RCN2: variants seen among roughly 807,000 people sequenced by gnomAD.
RCN2 encodes reticulocalbin 2.
A neutral mutation model predicts 37.5 loss-of-function variants in RCN2; 23 were observed. The ratio of observed to expected loss-of-function variants is 0.61; its 90% CI spans 0.44 to 0.87. The LOEUF (loss-of-function observed/expected upper bound fraction) is 0.87. Among genes scored for constraint, RCN2 ranks in the 40% least tolerant of loss-of-function variants. RCN2 has a pLI of 0.00. For missense variants in RCN2, 381 were observed against 390.4 expected (o/e 0.98, Z 0.20); for synonymous variants, 140 against 144.6 (o/e 0.97, Z 0.23).
At chr15:76,947,639 C>A in intron 5 of RCN2, 122 bp downstream of exon 5, 1 of 668,302 alleles carries the variant, frequency 1.5e-6, no homozygotes, top group Non-Finnish European at 2.6e-6. Flanking sequence ...TCTGATCCTA[C>A]TTGTTTCGTT....
Position 76,932,036 on chromosome 15 carries a change from C to T in RCN2, c.144+51C>T, listed in dbSNP as rs959717769. The T allele has an allele frequency of 1.1e-5, 14 of 1,236,020 alleles. No individual in the cohort carries two copies. In the African/African-American group the frequency reaches 2.0e-4, roughly 18 times the overall value. The allele number at this position is 1,236,020 out of a possible 1,614,324, so 76.6% of individuals were successfully genotyped here. A position where few individuals can be genotyped will look rare whatever the true frequency, so the allele number is the denominator to read the frequency against. ...AGGGCCGGGCCTCGCACCGCGGCTG[C>T]CGCGGGCTTTGTCCCGGGACAAAGG... On this transcript the variant is annotated intron_variant, in intron 1 of 6. Coordinates refer to ENST00000394885, the MANE Select transcript of RCN2 (RefSeq NM_002902.3).
At chr15:76,934,341 AC>A in intron 2 of RCN2, among the ~76,000 whole-genome samples, 2 of 152,112 alleles carry the variant, frequency 1.3e-5, no homozygotes, top group East Asian at 3.9e-4. Context: ...ACGGGGTTTT[AC>A]CCGAGACCAG....
At chr15:76,942,426 C>G (rs1205782765) in intron 3 of RCN2, 1 of 152,152 alleles carries the variant, frequency 6.6e-6, no homozygotes. Flanking sequence ...ATTATTGGCT[C>G]CCAAGGCTCT....
intron 3 of RCN2, among the ~76,000 whole-genome samples, chr15:76,938,001 G>A (rs575636269): frequency 1.3e-5 from 2 of 152,220 alleles, no homozygotes; most frequent in South Asian, 4.2e-4. Flanking sequence ...TACTTACAGA[G>A]TACATGTGAT....
rs557869817 is a variant in RCN2 at position 76,932,276 on chromosome 15, G to T, written c.145-85G>T. 1.1e-5 allele frequency: 12 copies of T among 1,071,936 alleles called. No individual in the cohort carries two copies. In the Admixed American group the frequency reaches 1.2e-4, roughly 10 times the overall value. The allele number at this position is 1,071,936 out of a possible 1,614,324, so 66.4% of individuals were successfully genotyped here. On this transcript the variant is annotated intron_variant, in intron 1 of 6. Transcript: ENST00000394885. The stretch of plus-strand genomic sequence containing the variant: ...CACCCCGAAACCCTTTGGCAAGGGG[G>T]TCTTCTAGTAGCCCTGTTTTTCTCC...
intron 4 of RCN2, among the ~76,000 whole-genome samples, chr15:76,945,083 C>T (rs1035986520): frequency 2.0e-5 from 3 of 152,320 alleles, no homozygotes; most frequent in African/African-American, 4.8e-5. Context: ...AAATGATGCT[C>T]ATTCTCCCCA....
chr15:76,942,667 C>G (rs1035942724), intron 3 of RCN2: 7 of 152,210 alleles, frequency 4.6e-5, no homozygotes, highest in Non-Finnish European at 8.8e-5. Context: ...CCAGGCTGAG[C>G]ACGGTGACTC....
Position 76,950,152 on chromosome 15 carries a change from A to G in RCN2, c.*930A>G, listed in dbSNP as rs1357576144. 6.6e-6 allele frequency: 1 copy of G among 152,142 alleles called. No homozygotes were observed. Among genetic ancestry groups the G allele is most frequent in the Non-Finnish European group, 1.5e-5 (1 of 68,016 alleles). 9.4% of individuals were successfully genotyped at this position (152,142 alleles called of 1,614,324 possible). ...AAATGTGGTTTTGCTCTTTGGGGCTATAAATAATCTTGAGTAACGCAGGTT... is the reference window on the plus strand; with the variant it reads ...AAATGTGGTTTTGCTCTTTGGGGCTGTAAATAATCTTGAGTAACGCAGGTT... On this transcript the variant is annotated 3_prime_UTR_variant, in exon 7 of 7. Coordinates refer to ENST00000394885, the MANE Select transcript of RCN2 (RefSeq NM_002902.3).
chr15:76,948,434 T>C lies in RCN2; in HGVS notation c.683T>C (p.Ile228Thr), dbSNP rs781745077. 2.5e-6 allele frequency: 4 copies of C among 1,606,350 alleles called. No individual in the cohort carries two copies. The highest frequency in any genetic ancestry group is 3.4e-5 in the Admixed American group (2 of 58,874). ...DPTANEDPEW[I>T]LVEKDRFVND... ...GCTGCAAATGAAGATCCAGAATGGATACTTGTTGAGAAAGACAGATTCGTG... is the reference window on the plus strand; with the variant it reads ...GCTGCAAATGAAGATCCAGAATGGACACTTGTTGAGAAAGACAGATTCGTG... Residue 228 changes from isoleucine (I) to threonine (T), a missense_variant, in exon 6 of 7, where the codon ATA becomes ACA. Physicochemically the swap from Ile to Thr is moderately conservative, Grantham distance 89. Transcript: ENST00000394885.
At position 76,949,387 on chromosome 15, in the gene RCN2, A is replaced by C. The variant is rs2075309921; in HGVS notation, c.*165A>C. On this transcript the variant is annotated 3_prime_UTR_variant, in exon 7 of 7. Transcript: ENST00000394885. Reference sequence around the variant, plus strand: ...TTTGGTCTTTTAGGAAAAAAAAACAAAAATCTGATATTTATTTCAAAATGT... The same window carrying C: ...TTTGGTCTTTTAGGAAAAAAAAACACAAATCTGATATTTATTTCAAAATGT... 1 of 466,032 alleles carries C rather than the reference A, an allele frequency of 2.1e-6. No individual in the cohort carries two copies. Among genetic ancestry groups the C allele is most frequent in the Admixed American group, 4.1e-5 (1 of 24,664 alleles). 28.9% of individuals were successfully genotyped at this position (466,032 alleles called of 1,614,324 possible).
chr15:76,941,660 G>C (rs2075277055), intron 3 of RCN2: 11 of 1,505,908 alleles, frequency 7.3e-6, no homozygotes, highest in Non-Finnish European at 9.8e-6. Flanking sequence ...GTAAAAAACA[G>C]TCTTTCTGTT....
At chr15:76,936,418 A>C (rs1021730481) in intron 3 of RCN2, among the ~76,000 whole-genome samples, 3 of 152,082 alleles carry the variant, frequency 2.0e-5, no homozygotes, top group Non-Finnish European at 2.9e-5. Context: ...TTTAGGATGA[A>C]ATTGTTCCAC....
Position 76,931,956 on chromosome 15 carries a change from T to A in RCN2, c.115T>A (p.Tyr39Asn). ...HYPLGERRSD[Y>N]DREALLGVQE... ...CCCGCTGGGCGAGCGCCGCAGCGAC[T>A]ACGACCGCGAGGCGCTGCTGGGCGT... Residue 39 changes from tyrosine (Y) to asparagine (N), a missense_variant, in exon 1 of 7, where the codon TAC becomes AAC. Tyr to Asn is a moderately radical substitution (Grantham distance 143). Coordinates refer to ENST00000394885, the MANE Select transcript of RCN2 (RefSeq NM_002902.3). 7.8e-7 allele frequency: 1 copy of A among 1,278,904 alleles called. No individual in the cohort carries two copies. Among genetic ancestry groups the A allele is most frequent in the Non-Finnish European group, 9.8e-7 (1 of 1,018,058 alleles). 79.2% of individuals were successfully genotyped at this position (1,278,904 alleles called of 1,614,324 possible).
Position 76,953,750 on chromosome 15 carries a change from GGCGCCTGCC to G in RCN2, c.*4529_*4537del, listed in dbSNP as rs1393680450. 6.0e-5 allele frequency: 6 copies of G among 99,334 alleles called. No individual in the cohort carries two copies. Among genetic ancestry groups the G allele is most frequent in the Non-Finnish European group, 1.3e-4 (5 of 37,082 alleles). The allele number at this position is 99,334 out of a possible 1,614,324, so 6.2% of individuals were successfully genotyped here. A position where few individuals can be genotyped will look rare whatever the true frequency, so the allele number is the denominator to read the frequency against. On this transcript the variant is annotated 3_prime_UTR_variant, in exon 7 of 7. Transcript: ENST00000394885. ...AGCCTCCCGAGTAGCTGGGACTATA[GGCGCCTGCC>G]ACCGCACCCGGCTAATTTTTTGTAT...
At chr15:76,938,017 G>T (rs894450140) in intron 3 of RCN2, among the ~76,000 whole-genome samples, 2 of 152,038 alleles carry the variant, frequency 1.3e-5, no homozygotes, top group African/African-American at 4.8e-5. Flanking sequence ...GTGATATTTT[G>T]ATATCACACA....
rs745929467 is a variant in RCN2, at chr15:76,952,156, A to C, written c.*2934A>C. On this transcript the variant is annotated 3_prime_UTR_variant, in exon 7 of 7. Coordinates refer to ENST00000394885, the MANE Select transcript of RCN2 (RefSeq NM_002902.3). ...ACTATCCTATCCTATATGTCATGAG[A>C]TAGTACCTACCAGAGTGGTACATTT... is the stretch of plus-strand genomic sequence containing the variant. The C allele has an allele frequency of 1.3e-5, 2 of 152,230 alleles. No individual in the cohort carries two copies. The highest frequency in any genetic ancestry group is 2.9e-5 in the Non-Finnish European group (2 of 68,028). 9.4% of individuals were successfully genotyped at this position (152,230 alleles called of 1,614,324 possible).
Position 76,953,482 on chromosome 15 carries a change from T to C in RCN2, c.*4260T>C, listed in dbSNP as rs2075330542. On this transcript the variant is annotated 3_prime_UTR_variant, in exon 7 of 7. Transcript: ENST00000394885. ...TGAATATGGGTGTACAAATATTTCT[T>C]TGAGATCCTGCTTTTAGTTCTTTTG... is the stretch of plus-strand genomic sequence containing the variant. 2 of 144,672 alleles carry C rather than the reference T, an allele frequency of 1.4e-5. No homozygotes were observed. Among genetic ancestry groups the C allele is most frequent in the Non-Finnish European group, 3.0e-5 (2 of 66,660 alleles). The allele number at this position is 144,672 out of a possible 1,614,324, so 9.0% of individuals were successfully genotyped here.
chr15:76,951,976 A>T lies in RCN2; in HGVS notation c.*2754A>T, dbSNP rs1037860818. On this transcript the variant is annotated 3_prime_UTR_variant, in exon 7 of 7. Transcript: ENST00000394885. ...CAGGACGTTCAGAGGAAAAGCTAGC[A>T]TATCATGTTTGCCTTACTTAGTTCT... 1 of 151,996 alleles carries T rather than the reference A, an allele frequency of 6.6e-6. No homozygotes were observed. The highest frequency in any genetic ancestry group is 2.4e-5 in the African/African-American group (1 of 41,404). 9.4% of individuals were successfully genotyped at this position (151,996 alleles called of 1,614,324 possible). A position where few individuals can be genotyped will look rare whatever the true frequency, so the allele number is the denominator to read the frequency against.
At chr15:76,937,095 A>G (rs190144971) in intron 3 of RCN2, among the ~76,000 whole-genome samples, 38 of 152,346 alleles carry the variant, frequency 2.5e-4, no homozygotes, top group African/African-American at 7.9e-4. Context: ...TCCATTTTGT[A>G]GCATGCATCA....
Sources: gnomAD v4.1 joint callset for allele counts (sites outside exome capture counted in the v4.1 genomes callset) on GRCh38, gnomAD v4.1.1 for gene constraint, MANE v1.5 for transcripts, NCBI Gene and HGNC (gene_info 2026-07-23, HGNC 2026-07-21) for gene names.